The following BACE1 variants were observed in gnomAD, a reference collection of about 807,000 sequenced individuals.
The protein encoded by BACE1 is APP beta-secretase.
BACE1 carries 21 observed loss-of-function variants against 54.0 expected under a neutral mutation model. The ratio of observed to expected loss-of-function variants is 0.39; its 90% CI spans 0.28 to 0.56. BACE1 has a LOEUF of 0.56. Among genes scored for constraint, BACE1 ranks in the 20% least tolerant of loss-of-function variants. The pLI, the probability that BACE1 is intolerant of heterozygous loss-of-function variation, is 0.63. For synonymous variants in BACE1, 232 were observed against 260.9 expected (o/e 0.89, Z 1.07); for missense variants, 511 against 661.2 (o/e 0.77, Z 2.49).
chr11:117,300,746 C>T (rs898456786), intron 1 of BACE1, among the ~76,000 whole-genome samples: 2 of 152,092 alleles, frequency 1.3e-5, no homozygotes, highest in African/African-American at 4.8e-5. Context: ...CCTCCCTTCC[C>T]AGGCACCCAC....
rs1159708692 is a variant in BACE1 at position 117,293,377 on chromosome 11, A to C, written c.706-189T>G. 4.0e-6 allele frequency: 2 copies of C among 503,502 alleles called. No individual in the cohort carries two copies. Among genetic ancestry groups the C allele is most frequent in the East Asian group, 7.2e-5 (2 of 27,964 alleles). 31.2% of individuals were successfully genotyped at this position (503,502 alleles called of 1,614,324 possible). A position where few individuals can be genotyped will look rare whatever the true frequency, so the allele number is the denominator to read the frequency against. Reference sequence around the variant, plus strand: ...TAGTTTCTTAAATGTGTTCAGGAGAAAAGACTTTCCGGGATTTTTAATTAT... The same window carrying C: ...TAGTTTCTTAAATGTGTTCAGGAGACAAGACTTTCCGGGATTTTTAATTAT... On this transcript the variant is annotated intron_variant, in intron 4 of 8. Transcript: ENST00000313005. This position sits in a 1 kb window ranked among gnomAD's most constrained non-coding sequence, Gnocchi z 4.1.
chr11:117,303,812 C>T (rs2034774901), intron 1 of BACE1, among the ~76,000 whole-genome samples: 1 of 152,140 alleles, frequency 6.6e-6, no homozygotes, highest in Non-Finnish European at 1.5e-5. Flanking sequence ...AGGGAAGACG[C>T]CTATATTCTT....
At chr11:117,314,286 A>C (rs2035021212) in intron 1 of BACE1, among the ~76,000 whole-genome samples, 1 of 152,098 alleles carries the variant, frequency 6.6e-6, no homozygotes, top group Admixed American at 6.5e-5. Flanking sequence ...TGGGGAAGTT[A>C]TGGTGCACAG....
chr11:117,290,946 A>G lies in BACE1; in HGVS notation c.1046T>C (p.Met349Thr), dbSNP rs760522873. 3 of 1,614,176 alleles carry G rather than the reference A, an allele frequency of 1.9e-6. No individual in the cohort carries two copies. In the East Asian group the frequency reaches 6.7e-5, roughly 36 times the overall value. ...NIFPVISLYL[M>T]GEVTNQSFRI... Reference sequence around the variant, plus strand: ...GAAGGACTGGTTGGTAACCTCACCCATTAGGTAGAGTGAGATGACTGGGAA... The same window carrying G: ...GAAGGACTGGTTGGTAACCTCACCCGTTAGGTAGAGTGAGATGACTGGGAA... The change falls in exon 7 of 9, where the codon ATG becomes ACG. Residue 349 changes from methionine (M) to threonine (T), a missense_variant. Physicochemically the swap from Met to Thr is moderately conservative, Grantham distance 81 (BLOSUM62 -1). Around this residue, in one of 2 missense-constraint regions of BACE1, gnomAD observed 407 missense variants for 565.7 expected, o/e 0.72. Transcript: ENST00000313005.
rs2034263239 is a variant in BACE1, at chr11:117,286,420, C to A, written c.*3146G>T. ...ACTCCTACAGGGAATGGCCTCAGCT[C>A]CCTTCTCTTTTAGAATTAAACAAGT... On this transcript the variant is annotated 3_prime_UTR_variant, in exon 9 of 9. Coordinates refer to ENST00000313005, the MANE Select transcript of BACE1 (RefSeq NM_012104.6). 6.6e-6 allele frequency: 1 copy of A among 152,110 alleles called. No individual in the cohort carries two copies. 9.4% of individuals were successfully genotyped at this position (152,110 alleles called of 1,614,324 possible). A position where few individuals can be genotyped will look rare whatever the true frequency, so the allele number is the denominator to read the frequency against.
intron 8 of BACE1, 41 bp from the exon 9 acceptor site, chr11:117,289,848 A>G (rs555008498): frequency 4.5e-6 from 7 of 1,571,140 alleles, no homozygotes; most frequent in Middle Eastern, 1.7e-4. Context: ...TCTCATTGTC[A>G]TAGAGGAGTT....
At chr11:117,299,659 G>C in intron 1 of BACE1, 2 of 405,006 alleles carry the variant, frequency 4.9e-6, no homozygotes, top group Non-Finnish European at 9.9e-6. Context: ...TCTACCCGTG[G>C]TCTCTCTCCC....
rs1374565016 is a variant in BACE1, at chr11:117,287,802, T to A, written c.*1764A>T. On this transcript the variant is annotated 3_prime_UTR_variant, in exon 9 of 9. Transcript: ENST00000313005. ...GCAGTGGGAATGAAGAGAACCCAGA[T>A]AAAAAACTGACTCAGTATTCTTGTT... 1 of 152,674 alleles carries A rather than the reference T, an allele frequency of 6.5e-6. No homozygotes were observed. The highest frequency in any genetic ancestry group is 2.4e-5 in the African/African-American group (1 of 41,468). The allele number at this position is 152,674 out of a possible 1,614,324, so 9.5% of individuals were successfully genotyped here. A position where few individuals can be genotyped will look rare whatever the true frequency, so the allele number is the denominator to read the frequency against.
Position 117,290,678 on chromosome 11 carries a change from A to G in BACE1, c.1093-19T>C. The G allele has an allele frequency of 1.9e-6, 3 of 1,612,532 alleles. No individual in the cohort carries two copies. Among genetic ancestry groups the G allele is most frequent in the Non-Finnish European group, 2.5e-6 (3 of 1,179,418 alleles). On this transcript the variant is annotated intron_variant, in intron 7 of 8. Coordinates refer to ENST00000313005, the MANE Select transcript of BACE1 (RefSeq NM_012104.6). The stretch of plus-strand genomic sequence containing the variant: ...GGTATTGCTAGGGGTAAGCAATCAC[A>G]GGGTGAGTGTCTTCCTCACTCTCCT...
In BACE1 at chr11:117,291,405, G is replaced by A. The variant is rs548502604; in HGVS notation, c.942+307C>T. Among the ~76,000 whole-genome samples, 4 of 152,188 alleles carry A rather than the reference G, an allele frequency of 2.6e-5. No individual in the cohort carries two copies. The South Asian group carries it at 8.3e-4, about 32-fold the overall frequency. ...TGATTCTCCTGTCTCAGCCCCCTGA[G>A]TAGCTAGGATTACAGGCGTGCGCCA... On this transcript the variant is annotated intron_variant, in intron 6 of 8. Coordinates refer to ENST00000313005, the MANE Select transcript of BACE1 (RefSeq NM_012104.6).
At chr11:117,292,716 G>C (rs2134451347) in intron 5 of BACE1, 1 of 206,672 alleles carries the variant, frequency 4.8e-6, no homozygotes, top group East Asian at 1.5e-4. Flanking sequence ...ATCAGAGCTA[G>C]ATTCAGATCT....
Position 117,289,338 on chromosome 11 carries a change from C to A in BACE1, c.*228G>T. The A allele has an allele frequency of 1.7e-6, 1 of 603,008 alleles. No homozygotes were observed. The highest frequency in any genetic ancestry group is 2.8e-5 in the South Asian group (1 of 35,894). 37.4% of individuals were successfully genotyped at this position (603,008 alleles called of 1,614,324 possible). On this transcript the variant is annotated 3_prime_UTR_variant, in exon 9 of 9. Coordinates refer to ENST00000313005, the MANE Select transcript of BACE1 (RefSeq NM_012104.6). Reference sequence around the variant, plus strand: ...TAAATTTGAGGTGACCAAGAGTATTCCCGCCAGCAGAGTGCTTCTTTCTTC... The same window carrying A: ...TAAATTTGAGGTGACCAAGAGTATTACCGCCAGCAGAGTGCTTCTTTCTTC...
rs373703880 is a variant in BACE1, at chr11:117,289,824, T to C, written c.1265-17A>G. On this transcript the variant is annotated splice_polypyrimidine_tract_variant and intron_variant, in intron 8 of 8. Transcript: ENST00000313005. ...CATCGTGCACTGGGGAGAGGGCAAA[T>C]GTGAATGGACAGCTCTCATTGTCAT... is the stretch of plus-strand genomic sequence containing the variant. The C allele has an allele frequency of 2.3e-5, 37 of 1,607,112 alleles. No homozygotes were observed. Among genetic ancestry groups the C allele is most frequent in the Non-Finnish European group, 3.0e-5 (35 of 1,174,064 alleles).
At chr11:117,312,754 C>T (rs1167567058) in intron 1 of BACE1, among the ~76,000 whole-genome samples, 5 of 152,192 alleles carry the variant, frequency 3.3e-5, no homozygotes, top group Admixed American at 2.0e-4. Context: ...TGAGCCACCG[C>T]GTCCAGCCAT....
chr11:117,315,770 A>C lies in BACE1; in HGVS notation c.26T>G (p.Leu9Arg). The change falls in exon 1 of 9, where the codon CTG becomes CGG. Residue 9 changes from leucine to arginine, a missense_variant. Leu to Arg is a moderately radical substitution (Grantham distance 102). Around this residue, in one of 2 missense-constraint regions of BACE1, gnomAD observed 104 missense variants for 95.5 expected, o/e 1.09. Transcript: ENST00000313005. This position sits in a 1 kb window ranked among gnomAD's most constrained non-coding sequence, Gnocchi z 5.5. The part of the protein sequence containing the change: MAQALPWL[L>R]LWMGAGVLPA... ...CAGCACTCCCGCGCCCATCCACAGC[A>C]GGAGCCAGGGCAGGGCTTGGGCCAT... The C allele has an allele frequency of 6.9e-7, 1 of 1,456,750 alleles. No individual in the cohort carries two copies. Among genetic ancestry groups the C allele is most frequent in the Non-Finnish European group, 9.0e-7 (1 of 1,110,886 alleles). The allele number at this position is 1,456,750 out of a possible 1,614,324, so 90.2% of individuals were successfully genotyped here.
rs565664996 is a variant in BACE1, at chr11:117,315,295, A to T, written c.261+240T>A. On this transcript the variant is annotated intron_variant, in intron 1 of 8. Coordinates refer to ENST00000313005, the MANE Select transcript of BACE1 (RefSeq NM_012104.6). This position sits in a 1 kb window ranked among gnomAD's most constrained non-coding sequence, Gnocchi z 5.5. Reference sequence around the variant, plus strand: ...TCTGTCTTGCCTCAAATCCTTCCAGACGGCGTATGTGTCAGATGAGGAGCA... The same window carrying T: ...TCTGTCTTGCCTCAAATCCTTCCAGTCGGCGTATGTGTCAGATGAGGAGCA... Among the ~76,000 whole-genome samples, 6 of 152,066 alleles carry T rather than the reference A, an allele frequency of 3.9e-5. No individual in the cohort carries two copies. Among genetic ancestry groups the T allele is most frequent in the African/African-American group, 7.2e-5 (3 of 41,396 alleles).
rs559026931 is a variant in BACE1 at position 117,308,894 on chromosome 11, G to T, written c.261+6641C>A. Among the ~76,000 whole-genome samples the T allele has an allele frequency of 3.3e-5, 5 of 152,236 alleles. No individual in the cohort carries two copies. The East Asian group carries it at 9.7e-4, about 29-fold the overall frequency. On this transcript the variant is annotated intron_variant, in intron 1 of 8. Coordinates refer to ENST00000313005, the MANE Select transcript of BACE1 (RefSeq NM_012104.6). ...CTTGAACCAGGAGGTGGAGGTTGCAGTGAGCTGAGATCGCGCCACTGCACT... is the reference window on the plus strand; with the variant it reads ...CTTGAACCAGGAGGTGGAGGTTGCATTGAGCTGAGATCGCGCCACTGCACT...
rs1032917801 is a variant in BACE1 at position 117,293,775 on chromosome 11, G to A, written c.705+96C>T. On this transcript the variant is annotated intron_variant, in intron 4 of 8. Coordinates refer to ENST00000313005, the MANE Select transcript of BACE1 (RefSeq NM_012104.6). The surrounding 1 kb of genome is among the most constrained non-coding windows in gnomAD (Gnocchi z 4.1). ...GAGGTTCCTCCTGATTCTAAGTATCGGAGCCAAAACTGTGGTGTAGCTTTC... is the reference window on the plus strand; with the variant it reads ...GAGGTTCCTCCTGATTCTAAGTATCAGAGCCAAAACTGTGGTGTAGCTTTC... The A allele has an allele frequency of 1.9e-5, 25 of 1,324,730 alleles. No homozygotes were observed. The highest frequency in any genetic ancestry group is 2.4e-5 in the Non-Finnish European group (24 of 989,930). 82.1% of individuals were successfully genotyped at this position (1,324,730 alleles called of 1,614,324 possible). A position where few individuals can be genotyped will look rare whatever the true frequency, so the allele number is the denominator to read the frequency against.
At chr11:117,305,880 C>G (rs1236387889) in intron 1 of BACE1, among the ~76,000 whole-genome samples, 1 of 151,786 alleles carries the variant, frequency 6.6e-6, no homozygotes, top group Middle Eastern at 3.2e-3. Flanking sequence ...CTAAAAAATA[C>G]AAAAAATTAG....
Sources: allele counts gnomAD v4.1 joint callset (sites outside exome capture counted in the v4.1 genomes callset), GRCh38; gene constraint gnomAD v4.1.1; regional missense constraint gnomAD v4.1.1; non-coding constraint Gnocchi (gnomAD v3.1); transcripts MANE v1.5; gene names NCBI Gene and HGNC (gene_info 2026-07-23, HGNC 2026-07-21).